TTBK1: variants seen among roughly 807,000 people sequenced by gnomAD.
The protein encoded by TTBK1 is tau tubulin kinase 1.
In TTBK1, 34 loss-of-function variants were observed where a neutral mutation model predicts 108.5. That is an observed-to-expected ratio of 0.31 (90% confidence interval 0.24 to 0.42). The LOEUF is 0.42. TTBK1 is among the 10% of genes least tolerant of loss of function. The pLI, the probability that TTBK1 is intolerant of heterozygous loss-of-function variation, is 1.00. For missense variants in TTBK1, 1,539 were observed against 1,826.0 expected, an observed-to-expected ratio of 0.84 and a Z score of 2.86; for synonymous variants, 809 against 795.1, an observed-to-expected ratio of 1.02 and a Z score of -0.29.
chr6:43,278,284 G>C (rs1352485816), intron 13 of TTBK1, among the ~76,000 whole-genome samples: 1 of 152,168 alleles, frequency 6.6e-6, no homozygotes, highest in African/African-American at 2.4e-5. Context: ...ATGGACTTGG[G>C]CTGGGCTCTT....
intron 10 of TTBK1, among the ~76,000 whole-genome samples, chr6:43,258,780 C>T (rs192596807): frequency 1.1e-4 from 17 of 152,272 alleles, no homozygotes; most frequent in Admixed American, 9.8e-4. Context: ...GGTCCTTGAA[C>T]GACAGCAGGA....
intron 13 of TTBK1, chr6:43,270,414 G>GGGGTGTGT (rs1554186808): frequency 1.3e-6 from 1 of 797,294 alleles, no homozygotes; most frequent in Non-Finnish European, 1.5e-6. Flanking sequence ...CTCCTTGCAT[G>GGGGTGTGT]GTGTGTGTGT....
rs1562105272 is a variant in TTBK1, at chr6:43,286,477, C to G, written c.*1101C>G. ...GGGGTCACCCTCCCTGTCCTCCCGC[C>G]TGTGGGAGGGAGGGAGGGCTGGCTC... On this transcript the variant is annotated 3_prime_UTR_variant, in exon 15 of 15. Transcript: ENST00000259750. The surrounding 1 kb of genome is among the most constrained non-coding windows in gnomAD (Gnocchi z 4.6). The G allele has an allele frequency of 6.6e-6, 1 of 152,670 alleles. No individual in the cohort carries two copies. Among genetic ancestry groups the G allele is most frequent in the Non-Finnish European group, 1.5e-5 (1 of 68,072 alleles). The allele number at this position is 152,670 out of a possible 1,614,324, so 9.5% of individuals were successfully genotyped here.
At chr6:43,270,212 T>C (rs1484380823) in intron 13 of TTBK1, 2 of 1,305,642 alleles carry the variant, frequency 1.5e-6, no homozygotes, top group East Asian at 6.6e-5. Context: ...GGTGGTACAG[T>C]TTCCAGGACA....
intron 2 of TTBK1, among the ~76,000 whole-genome samples, chr6:43,247,571 T>C (rs1243614222): frequency 6.6e-6 from 1 of 150,890 alleles, no homozygotes; most frequent in Non-Finnish European, 1.5e-5. Context: ...CCTGTGGGAC[T>C]GCACCGGAGT....
At chr6:43,244,265 C>A (rs974407229) in intron 1 of TTBK1, among the ~76,000 whole-genome samples, 2 of 152,108 alleles carry the variant, frequency 1.3e-5, no homozygotes, top group Non-Finnish European at 2.9e-5. Context: ...CCCATCACCC[C>A]TCGCTAGTCT....
chr6:43,246,449 C>T (rs1240292964), intron 1 of TTBK1, among the ~76,000 whole-genome samples, 158 bp from the exon 2 acceptor site: 1 of 152,230 alleles, frequency 6.6e-6, no homozygotes, highest in Non-Finnish European at 1.5e-5. Context: ...ATCTCCCTTG[C>T]ACTGGCCTTT....
Position 43,253,276 on chromosome 6 carries a change from G to A in TTBK1, c.257-15G>A, listed in dbSNP as rs760776511. Reference sequence around the variant, plus strand: ...AAAGAGTAAGAGCTGGAAGACCTATGTCTGTGCCCCTCAGGGAAGGACCAT... The same window carrying A: ...AAAGAGTAAGAGCTGGAAGACCTATATCTGTGCCCCTCAGGGAAGGACCAT... On this transcript the variant is annotated splice_polypyrimidine_tract_variant and intron_variant, in intron 3 of 14. Coordinates refer to ENST00000259750, the MANE Select transcript of TTBK1 (RefSeq NM_032538.3). The surrounding 1 kb of genome is among the most constrained non-coding windows in gnomAD (Gnocchi z 5.8). 1.9e-6 allele frequency: 3 copies of A among 1,614,094 alleles called. No individual in the cohort carries two copies. In the South Asian group the frequency reaches 3.3e-5, roughly 18 times the overall value.
At chr6:43,252,609 G>A (rs1777274204) in intron 2 of TTBK1, 130 bp from the exon 3 acceptor site, 17 of 1,028,902 alleles carry the variant, frequency 1.7e-5, no homozygotes, top group Non-Finnish European at 2.3e-5. Flanking sequence ...GCGACAAAGT[G>A]AGACTCCATC....
Position 43,282,994 on chromosome 6 carries a change from G to A in TTBK1, c.2254G>A (p.Glu752Lys). 6.2e-7 allele frequency: 1 copy of A among 1,600,238 alleles called. No homozygotes were observed. The highest frequency in any genetic ancestry group is 1.3e-5 in the African/African-American group (1 of 74,570). ...EEEEEEDEEE[E>K]EEEEEEEEEE... is the part of the protein sequence containing the mutation. ...AGAGGAAGAAGAGGATGAGGAAGAA[G>A]AAGAGGAGGAAGAGGAAGAGGAGGA... The change falls in exon 14 of 15, where the codon GAA (glutamate) becomes AAA (lysine). Residue 752 changes from glutamate (E) to lysine (K), a missense_variant. Glu to Lys is a moderately conservative substitution (Grantham distance 56). Around this residue, in one of 5 missense-constraint regions of TTBK1, gnomAD observed 1,055 missense variants for 1,086.5 expected, o/e 0.97. Transcript: ENST00000259750. The surrounding 1 kb of genome is among the most constrained non-coding windows in gnomAD (Gnocchi z 5.4).
At chr6:43,250,966 T>G (rs1777222488) in intron 2 of TTBK1, among the ~76,000 whole-genome samples, 1 of 152,236 alleles carries the variant, frequency 6.6e-6, no homozygotes. Flanking sequence ...GTCTGTCCCC[T>G]CCTGGCTCTG....
intron 13 of TTBK1, among the ~76,000 whole-genome samples, chr6:43,266,796 T>C (rs890601734): frequency 6.6e-6 from 1 of 152,082 alleles, no homozygotes; most frequent in African/African-American, 2.4e-5. Context: ...ATTTTGTATT[T>C]TTAGTAGAGA....
chr6:43,274,164 A>G (rs1405151796), intron 13 of TTBK1, among the ~76,000 whole-genome samples: 2 of 152,136 alleles, frequency 1.3e-5, no homozygotes, highest in Non-Finnish European at 2.9e-5. Context: ...TCCCCCACAC[A>G]CTCAAGGCAG....
rs1161675019 is a variant in TTBK1 at position 43,263,905 on chromosome 6, G to C, written c.1986+555G>C. Among the ~76,000 whole-genome samples, 1 of 152,238 alleles carries C rather than the reference G, an allele frequency of 6.6e-6. No individual in the cohort carries two copies. The highest frequency in any genetic ancestry group is 1.9e-4 in the East Asian group (1 of 5,202). On this transcript the variant is annotated intron_variant, in intron 13 of 14. Transcript: ENST00000259750. The surrounding 1 kb of genome is among the most constrained non-coding windows in gnomAD (Gnocchi z 4.7). ...TGAGATGCAAGCAGGCCACGTGGCAGGCAGTGGCAAGAGAGTGTCCCAGTG... is the reference window on the plus strand; with the variant it reads ...TGAGATGCAAGCAGGCCACGTGGCACGCAGTGGCAAGAGAGTGTCCCAGTG...
At chr6:43,274,499 G>A (rs1229370054) in intron 13 of TTBK1, among the ~76,000 whole-genome samples, 1 of 152,174 alleles carries the variant, frequency 6.6e-6, no homozygotes, top group Non-Finnish European at 1.5e-5. Flanking sequence ...CATACTTGGG[G>A]AGGGTGTGGC....
At chr6:43,245,337 T>C (rs931362348) in intron 1 of TTBK1, among the ~76,000 whole-genome samples, 9 of 152,238 alleles carry the variant, frequency 5.9e-5, no homozygotes, top group African/African-American at 2.2e-4. Flanking sequence ...CACGGTAGTG[T>C]GCTTCTAAAA....
At position 43,283,029 on chromosome 6, in the gene TTBK1, G is replaced by T; in HGVS notation, c.2289G>T (p.Glu763Asp). The T allele has an allele frequency of 6.3e-7, 1 of 1,582,576 alleles. No individual in the cohort carries two copies. The highest frequency in any genetic ancestry group is 2.3e-5 in the East Asian group (1 of 43,832). The part of the protein sequence containing the change: ...EEEEEEEEEE[E>D]EEEEEEEEAA... ...AAGAGGAAGAGGAGGAGGAAGAAGA[G>T]GAGGAGGAGGAAGAGGAGGAGGAGG... The change falls in exon 14 of 15, where the codon GAG (glutamate) becomes GAT (aspartate). Residue 763 changes from glutamate (E) to aspartate (D), a missense_variant. Glu to Asp is a conservative substitution (Grantham distance 45). Coordinates refer to ENST00000259750, the MANE Select transcript of TTBK1 (RefSeq NM_032538.3). The surrounding 1 kb of genome is among the most constrained non-coding windows in gnomAD (Gnocchi z 8.1).
rs767650489 is a variant in TTBK1, at chr6:43,269,722, C to A, written c.1986+6372C>A. ...CGACTGGCGTCCTCCGTGTTCTCCT[C>A]CTCCACGCTGGAGACGGAGCATTAC... On this transcript the variant is annotated intron_variant, in intron 13 of 14. Coordinates refer to ENST00000259750, the MANE Select transcript of TTBK1 (RefSeq NM_032538.3). The surrounding 1 kb of genome is among the most constrained non-coding windows in gnomAD (Gnocchi z 4.8). 1.9e-6 allele frequency: 3 copies of A among 1,609,994 alleles called. No individual in the cohort carries two copies. The highest frequency in any genetic ancestry group is 1.7e-6 in the Non-Finnish European group (2 of 1,179,558).
intron 13 of TTBK1, among the ~76,000 whole-genome samples, chr6:43,277,834 G>A (rs879643658): frequency 1.3e-5 from 2 of 152,210 alleles, no homozygotes; most frequent in African/African-American, 2.4e-5. Flanking sequence ...TCATCTCCTC[G>A]CAGGTGGAGC....
Sources: gnomAD v4.1 joint callset for allele counts (sites outside exome capture counted in the v4.1 genomes callset) on GRCh38, gnomAD v4.1.1 for gene constraint, gnomAD v4.1.1 regional missense constraint, Gnocchi (gnomAD v3.1) non-coding constraint, MANE v1.5 for transcripts, NCBI Gene and HGNC (gene_info 2026-07-23, HGNC 2026-07-21) for gene names.